The following SAMMSON variants were observed in gnomAD, a reference collection of about 807,000 sequenced individuals.
SAMMSON encodes the protein long intergenic non-protein coding RNA 1212.
chr3:70,009,724 T>G (rs1237890573), intron 1 of SAMMSON, among the ~76,000 whole-genome samples: 4 of 150,914 alleles, frequency 2.7e-5, no homozygotes, highest in Non-Finnish European at 5.9e-5. Flanking sequence ...GTTTTAATTG[T>G]GATGTTAGGG....
intron 4 of SAMMSON, among the ~76,000 whole-genome samples, chr3:70,193,563 A>T (rs1419944869): frequency 6.6e-6 from 1 of 152,120 alleles, no homozygotes; most frequent in Non-Finnish European, 1.5e-5. Flanking sequence ...GTTTGACTCT[A>T]TTCACTTTGC....
At chr3:70,425,384 A>C (rs1307149444) in intron 2 of SAMMSON, among the ~76,000 whole-genome samples, 1 of 151,612 alleles carries the variant, frequency 6.6e-6, no homozygotes, top group East Asian at 1.9e-4. Context: ...ACCTATTTCA[A>C]GTTGTCTATT....
chr3:70,061,073 A>G (rs896913535), intron 3 of SAMMSON, among the ~76,000 whole-genome samples: 44 of 152,064 alleles, frequency 2.9e-4, no homozygotes, highest in Non-Finnish European at 4.0e-4. Flanking sequence ...CCATGCATAA[A>G]AGGATGTATA....
intron 4 of SAMMSON, among the ~76,000 whole-genome samples, chr3:70,227,120 G>GT (rs951229781): frequency 1.4e-4 from 21 of 152,234 alleles, no homozygotes; most frequent in African/African-American, 5.1e-4. Flanking sequence ...TAACTCCTGT[G>GT]TAAGATACTT....
At chr3:70,070,251 A>G (rs1252247010) in intron 3 of SAMMSON, 1 of 152,108 alleles carries the variant, frequency 6.6e-6, no homozygotes, top group Non-Finnish European at 1.5e-5. Flanking sequence ...ACCATAGTAC[A>G]TATCAAAAGT....
chr3:70,299,390 G>C (rs1702323999), intron 7 of SAMMSON, among the ~76,000 whole-genome samples: 1 of 152,084 alleles, frequency 6.6e-6, no homozygotes, highest in Non-Finnish European at 1.5e-5. Context: ...TGTGGGAATT[G>C]AGAATAATTT....
chr3:70,089,982 G>A (rs2067299557), intron 4 of SAMMSON, among the ~76,000 whole-genome samples: 1 of 152,106 alleles, frequency 6.6e-6, no homozygotes, highest in East Asian at 1.9e-4. Context: ...TTATAGGAAG[G>A]GAGTATCCCA....
intron 4 of SAMMSON, among the ~76,000 whole-genome samples, chr3:70,116,526 T>G (rs912191287): frequency 6.6e-6 from 1 of 151,954 alleles, no homozygotes; most frequent in African/African-American, 2.4e-5. Flanking sequence ...TTTTTTTTTA[T>G]TTGGTTCTAA....
chr3:70,100,693 C>A (rs1256908828), intron 4 of SAMMSON, among the ~76,000 whole-genome samples: 1 of 152,158 alleles, frequency 6.6e-6, no homozygotes, highest in Non-Finnish European at 1.5e-5. Context: ...TTACTCTGTT[C>A]TCTTGTGTGA....
At chr3:70,045,191 A>C (rs1310726946) in intron 3 of SAMMSON, among the ~76,000 whole-genome samples, 1 of 138,538 alleles carries the variant, frequency 7.2e-6, no homozygotes, top group South Asian at 2.1e-4. Flanking sequence ...CGTTAATTAT[A>C]ATATTAATTA....
chr3:70,074,009 C>T (rs1021629782), intron 4 of SAMMSON, among the ~76,000 whole-genome samples: 7 of 151,794 alleles, frequency 4.6e-5, no homozygotes, highest in Admixed American at 1.3e-4. Context: ...TAGCTACTAC[C>T]ATATTATTAT....
intron 4 of SAMMSON, among the ~76,000 whole-genome samples, chr3:70,079,733 T>TG (rs1339176267): frequency 6.6e-6 from 1 of 152,182 alleles, no homozygotes; most frequent in Non-Finnish European, 1.5e-5. Flanking sequence ...TTTCAACTTA[T>TG]GGGGGGTTTA....
At chr3:70,178,122 C>G (rs532858068) in intron 4 of SAMMSON, among the ~76,000 whole-genome samples, 2 of 152,214 alleles carry the variant, frequency 1.3e-5, no homozygotes, top group African/African-American at 2.4e-5. Flanking sequence ...ATATCACCCC[C>G]CTTCCCCCAG....
chr3:70,199,441 C>T (rs1209120792), intron 4 of SAMMSON, among the ~76,000 whole-genome samples: 2 of 152,110 alleles, frequency 1.3e-5, no homozygotes, highest in Non-Finnish European at 2.9e-5. Context: ...TTCTACCTCC[C>T]TATTTTGCAC....
intron 4 of SAMMSON, chr3:70,205,117 G>C (rs1701278341): frequency 6.6e-6 from 1 of 151,934 alleles, no homozygotes; most frequent in African/African-American, 2.4e-5. Flanking sequence ...CTTGAGCTTT[G>C]AAAAAATAAA....
chr3:70,245,692 T>A (rs1043625310), intron 4 of SAMMSON, among the ~76,000 whole-genome samples: 110 of 135,756 alleles, frequency 8.1e-4, no homozygotes, highest in Non-Finnish European at 1.5e-3. Context: ...TATATATATA[T>A]ATATATATAT....
intron 6 of SAMMSON, among the ~76,000 whole-genome samples, chr3:70,275,835 C>T (rs571370874): frequency 6.6e-6 from 1 of 152,244 alleles, no homozygotes; most frequent in East Asian, 1.9e-4. Flanking sequence ...AAGAACTTTT[C>T]TGCTAAAATA....
intron 4 of SAMMSON, among the ~76,000 whole-genome samples, chr3:70,175,850 A>G (rs1701005302): frequency 6.6e-6 from 1 of 152,138 alleles, no homozygotes; most frequent in Non-Finnish European, 1.5e-5. Flanking sequence ...GGGTTTCAGT[A>G]GGAGAAAGCT....
chr3:70,041,648 A>G (rs551249585), intron 3 of SAMMSON, among the ~76,000 whole-genome samples: 1 of 152,274 alleles, frequency 6.6e-6, no homozygotes, highest in African/African-American at 2.4e-5. Context: ...ATAAAAAATA[A>G]CAATACAACA....
Sources: allele counts gnomAD v4.1 joint callset (sites outside exome capture counted in the v4.1 genomes callset), GRCh38; gene constraint gnomAD v4.1.1; transcripts MANE v1.5; gene names NCBI Gene and HGNC (gene_info 2026-07-23, HGNC 2026-07-21).